MAPK6: variants seen among roughly 807,000 people sequenced by gnomAD.
The protein encoded by MAPK6 is ERK-3.
Under a neutral mutation model 59.3 loss-of-function variants are expected in MAPK6, and 19 were observed. That is an observed-to-expected ratio of 0.32 (90% CI 0.22 to 0.47). The LOEUF (loss-of-function observed/expected upper bound fraction) is 0.47, where lower values mean the gene tolerates loss of function less well. Ranked by LOEUF, MAPK6 falls within the 20% of genes least tolerant of loss-of-function variation. MAPK6 has a pLI of 1.00. For synonymous variants in MAPK6, 316 were observed against 290.3 expected (o/e 1.09, Z -0.90); for missense variants, 724 against 847.9 (o/e 0.85, Z 1.81).
At chr15:52,063,000 G>A (rs189970037) in intron 5 of MAPK6, among the ~76,000 whole-genome samples, 3 of 152,216 alleles carry the variant, frequency 2.0e-5, no homozygotes, top group Admixed American at 2.0e-4. Context: ...TGATGTATTG[G>A]TATGGTATGT....
At chr15:52,048,782 G>A (rs2031678779) in intron 2 of MAPK6, among the ~76,000 whole-genome samples, 1 of 152,066 alleles carries the variant, frequency 6.6e-6, no homozygotes. Flanking sequence ...AGGAGGCCGG[G>A]GCAGGAGGAT....
intron 3 of MAPK6, among the ~76,000 whole-genome samples, chr15:52,010,412 T>C (rs974480744): frequency 6.6e-6 from 1 of 151,376 alleles, no homozygotes; most frequent in African/African-American, 2.4e-5. Context: ...ACAGGGTTTC[T>C]CCATGTTGGT....
rs371392480 is a variant in MAPK6, at chr15:52,061,312, G to A, written c.879G>A (p.Leu293=). The A allele has an allele frequency of 6.2e-7, 1 of 1,613,914 alleles. No individual in the cohort carries two copies. Among genetic ancestry groups the A allele is most frequent in the Admixed American group, 1.7e-5 (1 of 60,000 alleles). The change falls in exon 5 of 6, where the codon CTG becomes CTA. Residue 293 remains leucine (L), a synonymous_variant. Coordinates refer to ENST00000261845, the MANE Select transcript of MAPK6 (RefSeq NM_002748.4). ...PGISREALDF[L]EQILTFSPMD... ...TTTCCTCTGCAGCACTGGATTTCCTGGAACAAATTTTGACATTTAGCCCCA... is the reference window on the plus strand; with the variant it reads ...TTTCCTCTGCAGCACTGGATTTCCTAGAACAAATTTTGACATTTAGCCCCA...
intron 1 of MAPK6, among the ~76,000 whole-genome samples, chr15:52,023,755 G>C (rs996137288): frequency 6.6e-6 from 1 of 152,154 alleles, no homozygotes; most frequent in Non-Finnish European, 1.5e-5. Flanking sequence ...GGGACTACAG[G>C]TGCGCACCAC....
At chr15:52,038,950 T>C (rs116161411) in intron 1 of MAPK6, among the ~76,000 whole-genome samples, 2,273 of 152,248 alleles carry the variant, frequency 0.015, 60 homozygotes, top group African/African-American at 0.053. Flanking sequence ...GAAGAGTCTA[T>C]AGGGATGTTA....
intron 2 of MAPK6, among the ~76,000 whole-genome samples, chr15:51,999,881 T>G (rs886679742): frequency 1.3e-5 from 2 of 152,100 alleles, no homozygotes; most frequent in African/African-American, 4.8e-5. Flanking sequence ...TGAGCTCAGG[T>G]AATCTGCCTG....
chr15:52,042,077 G>T (rs2031439893), intron 1 of MAPK6, among the ~76,000 whole-genome samples: 1 of 152,160 alleles, frequency 6.6e-6, no homozygotes, highest in Admixed American at 6.5e-5. Flanking sequence ...TGGATCCACT[G>T]TATGATATAG....
intron 3 of MAPK6, among the ~76,000 whole-genome samples, chr15:52,012,630 C>G (rs889081783): frequency 2.0e-5 from 3 of 152,046 alleles, no homozygotes; most frequent in Admixed American, 1.3e-4. Flanking sequence ...ATCCTGTAAT[C>G]CATCACACTG....
intron 3 of MAPK6, among the ~76,000 whole-genome samples, chr15:52,051,773 C>G (rs1025266006): frequency 1.3e-5 from 2 of 151,450 alleles, no homozygotes; most frequent in Non-Finnish European, 2.9e-5. Context: ...ACTGGGGAGG[C>G]TGAGGCACGA....
At chr15:51,990,816 T>C (rs578209802) in intron 2 of MAPK6, among the ~76,000 whole-genome samples, 12 of 152,236 alleles carry the variant, frequency 7.9e-5, no homozygotes, top group Middle Eastern at 3.4e-3. Context: ...TAGCCAGGCA[T>C]GGTGGCGGGC....
intron 1 of MAPK6, among the ~76,000 whole-genome samples, chr15:52,033,278 A>G (rs796879183): frequency 2.5e-4 from 38 of 152,270 alleles, no homozygotes; most frequent in African/African-American, 9.1e-4. Context: ...GTGTTGCCAG[A>G]GGAGACTGAC....
chr15:52,046,396 C>G lies in MAPK6; in HGVS notation c.-65C>G, dbSNP rs901390417. 19 of 1,177,136 alleles carry G rather than the reference C, an allele frequency of 1.6e-5. No individual in the cohort carries two copies. Among genetic ancestry groups the G allele is most frequent in the Non-Finnish European group, 2.2e-5 (18 of 826,700 alleles). The allele number at this position is 1,177,136 out of a possible 1,614,324, so 72.9% of individuals were successfully genotyped here. A position where few individuals can be genotyped will look rare whatever the true frequency, so the allele number is the denominator to read the frequency against. On this transcript the variant is annotated 5_prime_UTR_variant, in exon 2 of 6. Coordinates refer to ENST00000261845, the MANE Select transcript of MAPK6 (RefSeq NM_002748.4). The stretch of plus-strand genomic sequence containing the variant: ...TTTTGAAAGATCTTTCCTTTTGATG[C>G]CAGTTTTCTTCCTTGTTTACACAAG...
intron 1 of MAPK6, among the ~76,000 whole-genome samples, chr15:52,024,878 CT>C (rs35983896): frequency 0.012 from 1,014 of 84,148 alleles, 15 homozygotes; most frequent in African/African-American, 0.044. Flanking sequence ...CATACACTGC[CT>C]TTTTTTTTTT....
intron 1 of MAPK6, among the ~76,000 whole-genome samples, chr15:52,020,290 G>GA (rs1196129594): frequency 2.0e-5 from 3 of 152,210 alleles, no homozygotes; most frequent in Non-Finnish European, 4.4e-5. Flanking sequence ...GTGTTAGGGG[G>GA]ATCTCTGTGC....
chr15:52,054,944 C>T (rs2031916231), intron 3 of MAPK6, among the ~76,000 whole-genome samples: 1 of 152,166 alleles, frequency 6.6e-6, no homozygotes. Context: ...TCTGCCACCA[C>T]ACCCAGCTAA....
At chr15:52,009,483 C>T (rs144497146) in intron 3 of MAPK6, among the ~76,000 whole-genome samples, 1 of 152,322 alleles carries the variant, frequency 6.6e-6, no homozygotes, top group African/African-American at 2.4e-5. Context: ...CTATGCTTCT[C>T]TTAAAATGTG....
intron 1 of MAPK6, among the ~76,000 whole-genome samples, chr15:52,043,764 T>TTTTTTTTTTTC (rs2031508899): frequency 8.4e-6 from 1 of 118,812 alleles, no homozygotes; most frequent in African/African-American, 3.5e-5. Flanking sequence ...TTTTTTTTTT[T>TTTTTTTTTTTC]TTTTTTTTTT....
chr15:51,973,883 C>T (rs909463869), intron 1 of MAPK6, among the ~76,000 whole-genome samples: 4 of 151,828 alleles, frequency 2.6e-5, no homozygotes, highest in African/African-American at 9.7e-5. Context: ...AACTCCTGAC[C>T]TCAGGTGATC....
intron 1 of MAPK6, among the ~76,000 whole-genome samples, chr15:52,019,698 G>T (rs1169772132): frequency 6.7e-6 from 1 of 149,318 alleles, no homozygotes; most frequent in Non-Finnish European, 1.5e-5. Flanking sequence ...CTCGCCGGTC[G>T]CCCTGCCAGG....
Sources: allele counts gnomAD v4.1 joint callset (sites outside exome capture counted in the v4.1 genomes callset), GRCh38; gene constraint gnomAD v4.1.1; transcripts MANE v1.5; gene names NCBI Gene and HGNC (gene_info 2026-07-23, HGNC 2026-07-21).